NT5C2: variants seen among roughly 807,000 people sequenced by gnomAD.
The protein encoded by NT5C2 is 5'-nucleotidase, cytosolic II.
In NT5C2, 58 loss-of-function variants were observed where a neutral mutation model predicts 76.1. The ratio of observed to expected loss-of-function variants is 0.76; its 90% CI spans 0.62 to 0.95. NT5C2 has a LOEUF of 0.95. Among genes scored for constraint, NT5C2 ranks in the 40% least tolerant of loss-of-function variants. The pLI is 0.00. For synonymous variants in NT5C2, 229 were observed against 237.4 expected (o/e 0.96, Z 0.32); for missense variants, 478 against 690.3 (o/e 0.69, Z 3.45).
chr10:103,125,885 C>T (rs1193862726), intron 4 of NT5C2, among the ~76,000 whole-genome samples: 1 of 152,106 alleles, frequency 6.6e-6, no homozygotes, highest in Non-Finnish European at 1.5e-5. Flanking sequence ...TAGATTAGTC[C>T]CTTCATTTTG....
At chr10:103,091,996 T>C (rs1220547647) in intron 15 of NT5C2, among the ~76,000 whole-genome samples, 1 of 152,336 alleles carries the variant, frequency 6.6e-6, no homozygotes, top group Non-Finnish European at 1.5e-5. Flanking sequence ...ATCAGGTGAC[T>C]TTTCCTGAGT....
At chr10:103,099,289 A>G (rs2068956182) in intron 9 of NT5C2, among the ~76,000 whole-genome samples, 1 of 152,176 alleles carries the variant, frequency 6.6e-6, no homozygotes, top group African/African-American at 2.4e-5. Flanking sequence ...TGCCCAGGCT[A>G]GTCTTGAACT....
At chr10:103,166,930 G>C (rs1362246242) in intron 3 of NT5C2, among the ~76,000 whole-genome samples, 1 of 151,912 alleles carries the variant, frequency 6.6e-6, no homozygotes, top group Middle Eastern at 3.2e-3. Context: ...TAGTATTATA[G>C]GTGTAAGCCA....
In NT5C2 at chr10:103,099,989, G is replaced by C; in HGVS notation, c.570C>G (p.Leu190=). 1 of 1,612,388 alleles carries C rather than the reference G, an allele frequency of 6.2e-7. No homozygotes were observed. Among genetic ancestry groups the C allele is most frequent in the Non-Finnish European group, 8.5e-7 (1 of 1,178,732 alleles). The change falls in exon 9 of 19, where the codon CTC becomes CTG. Residue 190 remains leucine, a synonymous_variant. Coordinates refer to ENST00000404739, the MANE Select transcript of NT5C2 (RefSeq NM_001351169.2). ...GGAACATACTCCGGTAGGACATGAA[G>C]AGGTCCCCATCTTTAAATCCTGTTT... ...SCETGFKDGD[L]FMSYRSMFQD...
At chr10:103,106,160 GAT>G (rs1431831881) in intron 5 of NT5C2, among the ~76,000 whole-genome samples, 1 of 152,116 alleles carries the variant, frequency 6.6e-6, no homozygotes. Flanking sequence ...CTGTATGTGG[GAT>G]ATATATGATA....
chr10:103,098,706 A>C (rs1424035797), intron 10 of NT5C2: 1 of 487,312 alleles, frequency 2.1e-6, no homozygotes, highest in African/African-American at 2.0e-5. Flanking sequence ...GCCTATCAAG[A>C]AACAGGAAAA....
chr10:103,144,052 A>G (rs1269842830), intron 3 of NT5C2, among the ~76,000 whole-genome samples: 1 of 152,224 alleles, frequency 6.6e-6, no homozygotes, highest in Non-Finnish European at 1.5e-5. Flanking sequence ...TGATAAAAGC[A>G]TCTACTTTAT....
intron 1 of NT5C2, among the ~76,000 whole-genome samples, chr10:103,184,297 T>C (rs936187481): frequency 2.0e-5 from 3 of 152,200 alleles, no homozygotes; most frequent in African/African-American, 4.8e-5. Context: ...CATTCAGAGT[T>C]CTTTATGTCA....
chr10:103,127,365 G>A (rs1234881320), intron 4 of NT5C2, among the ~76,000 whole-genome samples: 1 of 152,124 alleles, frequency 6.6e-6, no homozygotes, highest in African/African-American at 2.4e-5. Context: ...GTCTTACATA[G>A]AAATCCTGCA....
chr10:103,187,066 C>T (rs1293328438), intron 1 of NT5C2, among the ~76,000 whole-genome samples: 1 of 151,536 alleles, frequency 6.6e-6, no homozygotes, highest in Non-Finnish European at 1.5e-5. Flanking sequence ...GCCTGGCCAA[C>T]AGGGCAAAAC....
At chr10:103,171,672 A>G (rs1000317403) in intron 3 of NT5C2, among the ~76,000 whole-genome samples, 6 of 152,218 alleles carry the variant, frequency 3.9e-5, no homozygotes, top group African/African-American at 1.4e-4. Context: ...ATAATTACTA[A>G]ATACATTATC....
chr10:103,174,222 C>T (rs113072484), intron 3 of NT5C2, among the ~76,000 whole-genome samples: 2,200 of 152,204 alleles, frequency 0.014, 55 homozygotes, highest in African/African-American at 0.049. Context: ...CCCTGGCCAA[C>T]ATGGCAAAAC....
chr10:103,136,357 C>A (rs758992766), intron 4 of NT5C2, among the ~76,000 whole-genome samples: 16 of 152,284 alleles, frequency 1.1e-4, no homozygotes, highest in Admixed American at 8.5e-4. Flanking sequence ...ATAGTAGTAA[C>A]TGCTTCACAG....
At chr10:103,148,534 G>A (rs2081892421) in intron 3 of NT5C2, among the ~76,000 whole-genome samples, 1 of 151,774 alleles carries the variant, frequency 6.6e-6, no homozygotes, top group Admixed American at 6.6e-5. Flanking sequence ...AACCCAGGAG[G>A]CAGAGCTTGC....
chr10:103,109,569 C>T (rs908894086), intron 4 of NT5C2, among the ~76,000 whole-genome samples: 1 of 152,146 alleles, frequency 6.6e-6, no homozygotes, highest in African/African-American at 2.4e-5. Flanking sequence ...AATCTACTGA[C>T]ATTTATTCTT....
chr10:103,153,318 C>T (rs545176705), intron 3 of NT5C2: 8 of 1,282,098 alleles, frequency 6.2e-6, no homozygotes, highest in Non-Finnish European at 5.1e-6. Context: ...CAAAGATCTA[C>T]TTCCTCTGGA....
intron 4 of NT5C2, among the ~76,000 whole-genome samples, chr10:103,116,883 T>C (rs1034640259): frequency 1.7e-4 from 26 of 152,118 alleles, no homozygotes; most frequent in African/African-American, 5.6e-4. Context: ...CCCAGAAATA[T>C]TGTAACTATA....
At chr10:103,094,720 A>G (rs1010504305) in intron 12 of NT5C2, among the ~76,000 whole-genome samples, 1 of 152,096 alleles carries the variant, frequency 6.6e-6, no homozygotes, top group Non-Finnish European at 1.5e-5. Context: ...TGTCTCTACT[A>G]AAACTACAAA....
chr10:103,101,715 T>TA (rs993287281), intron 6 of NT5C2, among the ~76,000 whole-genome samples: 1 of 151,720 alleles, frequency 6.6e-6, no homozygotes, highest in African/African-American at 2.4e-5. Flanking sequence ...AATTATAAGG[T>TA]AAAAAATCAC....
Sources: allele counts gnomAD v4.1 joint callset (sites outside exome capture counted in the v4.1 genomes callset), GRCh38; gene constraint gnomAD v4.1.1; transcripts MANE v1.5; gene names NCBI Gene and HGNC (gene_info 2026-07-23, HGNC 2026-07-21).